UGT1A6: variants seen among roughly 807,000 people sequenced by gnomAD.
UGT1A6 encodes UDP glucuronosyltransferase family 1 member A6.
In UGT1A6, 32 loss-of-function variants were observed where a neutral mutation model predicts 44.4. The ratio of observed to expected loss-of-function variants is 0.72; its 90% CI spans 0.54 to 0.97. The LOEUF is 0.97. UGT1A6 is among the 50% of genes least tolerant of loss of function. The pLI is 0.00. For missense variants in UGT1A6, 685 were observed against 661.9 expected (o/e 1.03, Z -0.38); for synonymous variants, 238 against 248.5 (o/e 0.96, Z 0.40).
intron 1 of UGT1A6, among the ~76,000 whole-genome samples, chr2:233,732,390 C>G (rs1458473666): frequency 6.6e-6 from 1 of 152,216 alleles, no homozygotes; most frequent in Admixed American, 6.5e-5. Flanking sequence ...TAGGCCATGC[C>G]TATGCCTAAA....
At chr2:233,755,053 C>CCCTCG (rs778721180) in intron 1 of UGT1A6, 9 of 1,332,572 alleles carry the variant, frequency 6.8e-6, no homozygotes, top group Non-Finnish European at 6.1e-6. Flanking sequence ...CCGCCCTCCG[C>CCCTCG]CCTCGCCTCG....
chr2:233,721,778 T>C (rs1223743047), intron 1 of UGT1A6: 3 of 503,204 alleles, frequency 6.0e-6, no homozygotes, highest in African/African-American at 5.8e-5. Context: ...TTAGCATTAT[T>C]CTCTGCATTT....
intron 4 of UGT1A6, chr2:233,771,059 G>A (rs1001475755): frequency 6.6e-6 from 1 of 152,046 alleles, no homozygotes; most frequent in Non-Finnish European, 1.5e-5. Flanking sequence ...TTTAATGACC[G>A]GCTCTCACAA....
intron 1 of UGT1A6, among the ~76,000 whole-genome samples, chr2:233,765,768 G>T (rs35640782): frequency 0.021 from 3,251 of 152,014 alleles, 121 homozygotes; most frequent in African/African-American, 0.073. Flanking sequence ...ATTCTTGGGG[G>T]ATTCATTGGA....
At chr2:233,711,213 G>A (rs1397680313) in intron 1 of UGT1A6, among the ~76,000 whole-genome samples, 2 of 152,238 alleles carry the variant, frequency 1.3e-5, no homozygotes, top group African/African-American at 4.8e-5. Flanking sequence ...TCTCCCCAGT[G>A]CTCCCATGTC....
intron 1 of UGT1A6, chr2:233,747,959 C>T: frequency 6.2e-7 from 1 of 1,613,522 alleles, no homozygotes; most frequent in Non-Finnish European, 8.5e-7. Context: ...TGGATCTTCT[C>T]AGCCATGCAT....
At chr2:233,699,325 A>G (rs1484519888) in intron 1 of UGT1A6, among the ~76,000 whole-genome samples, 1 of 152,046 alleles carries the variant, frequency 6.6e-6, no homozygotes, top group Non-Finnish European at 1.5e-5. Context: ...TATTTTGTTG[A>G]GTTTCATCCA....
At chr2:233,722,169 C>T (rs923427551) in intron 1 of UGT1A6, 1 of 158,144 alleles carries the variant, frequency 6.3e-6, no homozygotes, top group Admixed American at 6.4e-5. Flanking sequence ...CACCTGGAGA[C>T]CTTTGCCATG....
chr2:233,751,718 G>C (rs144416943), intron 1 of UGT1A6, among the ~76,000 whole-genome samples: 1 of 152,136 alleles, frequency 6.6e-6, no homozygotes, highest in Non-Finnish European at 1.5e-5. Flanking sequence ...TCACTCACAA[G>C]TGAACTCTTC....
intron 1 of UGT1A6, among the ~76,000 whole-genome samples, chr2:233,736,258 T>G (rs1302567098): frequency 2.0e-5 from 3 of 152,238 alleles, no homozygotes; most frequent in Non-Finnish European, 2.9e-5. Flanking sequence ...ATTTCATTAA[T>G]TTGATCTTCA....
At chr2:233,747,148 TGAA>T in intron 1 of UGT1A6, 1 of 1,570,870 alleles carries the variant, frequency 6.4e-7, no homozygotes, top group South Asian at 1.2e-5. Context: ...GTAATTAAGA[TGAA>T]GAAAACAAAT....
At chr2:233,717,439 G>T (rs542098595) in intron 1 of UGT1A6, among the ~76,000 whole-genome samples, 3 of 152,154 alleles carry the variant, frequency 2.0e-5, no homozygotes, top group African/African-American at 7.2e-5. Context: ...TCTGATGGAC[G>T]CATCCATTCA....
intron 1 of UGT1A6, among the ~76,000 whole-genome samples, chr2:233,726,819 C>T (rs181866502): frequency 3.3e-5 from 5 of 152,224 alleles, no homozygotes; most frequent in Admixed American, 6.5e-5. Context: ...TTCCTCTATT[C>T]GACCATTTAA....
chr2:233,718,474 A>G (rs1284319219), intron 1 of UGT1A6, among the ~76,000 whole-genome samples: 1 of 152,230 alleles, frequency 6.6e-6, no homozygotes, highest in Admixed American at 6.5e-5. Context: ...CTGCAGCCTG[A>G]TAAATATGGT....
At chr2:233,716,018 G>C (rs2076483229) in intron 1 of UGT1A6, among the ~76,000 whole-genome samples, 1 of 152,128 alleles carries the variant, frequency 6.6e-6, no homozygotes, top group Non-Finnish European at 1.5e-5. Flanking sequence ...TAATCTGATA[G>C]TTTCTTTTGA....
Position 233,769,795 on chromosome 2 carries a change from C to A in UGT1A6, c.1301+1356C>A. 1 of 1,235,564 alleles carries A rather than the reference C, an allele frequency of 8.1e-7. No homozygotes were observed. The highest frequency in any genetic ancestry group is 1.1e-6 in the Non-Finnish European group (1 of 932,226). 76.5% of individuals were successfully genotyped at this position (1,235,564 alleles called of 1,614,324 possible). On this transcript the variant is annotated intron_variant, in intron 4 of 4. Coordinates refer to ENST00000305139, the MANE Select transcript of UGT1A6 (RefSeq NM_001072.4). This position sits in a 1 kb window ranked among gnomAD's most constrained non-coding sequence, Gnocchi z 4.4. ...GCTTGAGCCCAGAAGTTGGAGGCTG[C>A]TATGAGCCGTGATCATGCCACTGCA...
At chr2:233,760,774 T>C in intron 1 of UGT1A6, 1 of 1,613,992 alleles carries the variant, frequency 6.2e-7, no homozygotes, top group Non-Finnish European at 8.5e-7. Flanking sequence ...CGTGGCCCAG[T>C]ACCTGTCTCT....
intron 1 of UGT1A6, chr2:233,718,646 T>C (rs896196849): frequency 1.0e-5 from 15 of 1,495,846 alleles, no homozygotes; most frequent in African/African-American, 1.4e-5. Flanking sequence ...GTTGGGCCCA[T>C]AACGAAAGGC....
chr2:233,763,240 C>T (rs1698267751), intron 1 of UGT1A6, among the ~76,000 whole-genome samples: 1 of 152,140 alleles, frequency 6.6e-6, no homozygotes, highest in African/African-American at 2.4e-5. Flanking sequence ...TAAATTGTAC[C>T]TTTTAGTAAC....
Sources: gnomAD v4.1 joint callset for allele counts (sites outside exome capture counted in the v4.1 genomes callset) on GRCh38, gnomAD v4.1.1 for gene constraint, Gnocchi (gnomAD v3.1) non-coding constraint, MANE v1.5 for transcripts, NCBI Gene and HGNC (gene_info 2026-07-23, HGNC 2026-07-21) for gene names.